The following UPRT variants were observed in gnomAD, a reference collection of about 807,000 sequenced individuals.
UPRT encodes the protein uracil phosphoribosyltransferase homolog.
UPRT carries 5 observed loss-of-function variants against 22.6 expected under a neutral mutation model. That is an observed-to-expected ratio of 0.22 (90% confidence interval 0.12 to 0.47). UPRT has a LOEUF of 0.47. Ranked by LOEUF, UPRT falls within the 20% of genes least tolerant of loss-of-function variation. The pLI, the probability that UPRT is intolerant of heterozygous loss-of-function variation, is 0.99. For missense variants in UPRT, 181 were observed against 239.9 expected, an observed-to-expected ratio of 0.75 and a Z score of 1.62; for synonymous variants, 77 against 87.7, an observed-to-expected ratio of 0.88 and a Z score of 0.68.
chrX:75,214,153 A>G (rs769136563), intron 4 of UPRT, among the ~76,000 whole-genome samples: 2 of 112,495 alleles, frequency 1.8e-5, no homozygotes, highest in Non-Finnish European at 3.8e-5. Context: ...ATGGAATTAA[A>G]TGAGAAGTTA....
intron 4 of UPRT, among the ~76,000 whole-genome samples, chrX:75,232,490 C>A (rs1197061393): frequency 8.9e-6 from 1 of 112,664 alleles, no homozygotes; most frequent in African/African-American, 3.2e-5. Context: ...GGGGGCAGGG[C>A]ACAAACAAAA....
At chrX:75,262,146 A>G (rs1320122479) in intron 4 of UPRT, among the ~76,000 whole-genome samples, 1 of 111,768 alleles carries the variant, frequency 8.9e-6, no homozygotes, top group Non-Finnish European at 1.9e-5. Flanking sequence ...TCTTAAAGAA[A>G]AGAATTTTCA....
chrX:75,172,599 C>T (rs777021466), intron 4 of UPRT, among the ~76,000 whole-genome samples: 13 of 111,772 alleles, frequency 1.2e-4, no homozygotes, highest in African/African-American at 2.9e-4. Context: ...CGGACCCTTG[C>T]GGTGAGTGTT....
intron 4 of UPRT, among the ~76,000 whole-genome samples, chrX:75,185,631 G>A (rs1028583871): frequency 1.4e-4 from 16 of 111,806 alleles, no homozygotes; most frequent in African/African-American, 3.9e-4. Context: ...GTAGAATTCC[G>A]CTGTGAATCC....
At chrX:75,218,230 C>T (rs1414615006) in intron 4 of UPRT, among the ~76,000 whole-genome samples, 1 of 110,915 alleles carries the variant, frequency 9.0e-6, no homozygotes, top group East Asian at 2.8e-4. Context: ...GGGTGAAGGA[C>T]ATGAACAGAC....
chrX:75,242,547 A>G lies in UPRT; in HGVS notation c.-446-48477A>G, dbSNP rs780853975. Among the ~76,000 whole-genome samples the G allele has an allele frequency of 1.8e-4, 20 of 110,580 alleles. No individual in the cohort carries two copies. In the South Asian group the frequency reaches 7.3e-3, roughly 40 times the overall value. ...GAGGACCTGGGTTCTAGAAAGCCAT[A>G]TCGACGTGATCAAACTTAGTTTCCA... On this transcript the variant is annotated intron_variant, in intron 4 of 13. Coordinates refer to the UPRT transcript ENST00000652605.
In UPRT at chrX:75,256,422, C is replaced by T. The variant is rs768338578; in HGVS notation, c.-446-34602C>T. Reference sequence around the variant, plus strand: ...CTACATCAGAAAGACTAAAAGAGCACAAACAGACAATCTAAGATCACACCT... The same window carrying T: ...CTACATCAGAAAGACTAAAAGAGCATAAACAGACAATCTAAGATCACACCT... On this transcript the variant is annotated intron_variant, in intron 4 of 13. Transcript: ENST00000652605. Among the ~76,000 whole-genome samples, 207 of 111,093 alleles carry T rather than the reference C, an allele frequency of 1.9e-3. 2 individuals are homozygous for T. The South Asian group carries it at 0.026, about 14-fold the overall frequency.
At position 75,300,848 on chromosome X, in the gene UPRT, G is replaced by A; in HGVS notation, c.725-19G>A. 1 of 1,144,218 alleles carries A rather than the reference G, an allele frequency of 8.7e-7. No individual in the cohort carries two copies. Among genetic ancestry groups the A allele is most frequent in the Non-Finnish European group, 1.2e-6 (1 of 846,736 alleles). 94.3% of individuals were successfully genotyped at this position (1,144,218 alleles called of 1,213,427 possible). ...GAATGTTAAGGTTGCTAATTCATTT[G>A]GTTATCTTTTGATTTCAGGCACTGG... is the stretch of plus-strand genomic sequence containing the variant. On this transcript the variant is annotated intron_variant, in intron 5 of 6. Transcript: ENST00000373383.
At chrX:75,295,671 T>C (rs2082723328) in intron 2 of UPRT, among the ~76,000 whole-genome samples, 1 of 112,480 alleles carries the variant, frequency 8.9e-6, no homozygotes, top group African/African-American at 3.2e-5. Context: ...TCAGCATTAC[T>C]TTTACTGTAG....
At position 75,297,511 on chromosome X, in the gene UPRT, A is replaced by G. The variant is rs752194693; in HGVS notation, c.520A>G (p.Lys174Glu). 1.2e-5 allele frequency: 15 copies of G among 1,210,078 alleles called. No individual in the cohort carries two copies. Among genetic ancestry groups the G allele is most frequent in the Non-Finnish European group, 1.7e-5 (15 of 895,172 alleles). ...AACAGGGTACAAGTATGAAGGAGTGAAATTTGAGAAGGGAAATTGTGGGGT... is the reference window on the plus strand; with the variant it reads ...AACAGGGTACAAGTATGAAGGAGTGGAATTTGAGAAGGGAAATTGTGGGGT... ...TPTGYKYEGV[K>E]FEKGNCGVSI... Residue 174 changes from lysine to glutamate, a missense_variant, in exon 4 of 7, where the codon AAA (lysine) becomes GAA (glutamate). Lys to Glu is a moderately conservative substitution (Grantham distance 56, BLOSUM62 1). Transcript: ENST00000373383.
chrX:75,239,587 C>T (rs1308894857), intron 4 of UPRT, among the ~76,000 whole-genome samples: 1 of 111,037 alleles, frequency 9.0e-6, no homozygotes, highest in Non-Finnish European at 1.9e-5. Flanking sequence ...GGAATCCTCC[C>T]TAAATCATTT....
intron 4 of UPRT, 145 bp downstream of exon 4, chrX:75,297,698 T>C: frequency 1.5e-6 from 1 of 649,174 alleles, no homozygotes. Flanking sequence ...CTCATGGTGC[T>C]GTGGAGTCAT....
Position 75,247,053 on chromosome X carries a change from T to G in UPRT, c.-446-43971T>G, listed in dbSNP as rs765549408. Among the ~76,000 whole-genome samples the G allele has an allele frequency of 2.7e-5, 3 of 111,938 alleles. No homozygotes were observed. The East Asian group carries it at 8.4e-4, about 31-fold the overall frequency. On this transcript the variant is annotated intron_variant, in intron 4 of 13. Transcript: ENST00000652605. ...TCTAATTTTCAAGTTATCCCTCTTT[T>G]AAAAGGGAGACTGTAAGTCACTCTT...
intron 4 of UPRT, among the ~76,000 whole-genome samples, chrX:75,189,899 T>G (rs1569262588): frequency 8.9e-6 from 1 of 112,156 alleles, no homozygotes; most frequent in Non-Finnish European, 1.9e-5. Flanking sequence ...ATCTCCTGCA[T>G]ATAGCACTCT....
At chrX:75,270,108 A>C (rs1490347660), upstream of UPRT, among the ~76,000 whole-genome samples, 1 of 112,281 alleles carries the variant, frequency 8.9e-6, no homozygotes, top group East Asian at 2.8e-4. Flanking sequence ...ATGAACAGAC[A>C]CTTCTCCAAA....
chrX:75,283,921 G>A (rs778195023), intron 1 of UPRT, among the ~76,000 whole-genome samples: 1 of 111,584 alleles, frequency 9.0e-6, no homozygotes, highest in Non-Finnish European at 1.9e-5. Flanking sequence ...TCTTCCTCAG[G>A]AACACGGATT....
At chrX:75,188,602 G>T (rs1294078943) in intron 4 of UPRT, among the ~76,000 whole-genome samples, 1 of 112,703 alleles carries the variant, frequency 8.9e-6, no homozygotes, top group Non-Finnish European at 1.9e-5. Flanking sequence ...CTGGGCAATG[G>T]CGGGCGCCCC....
At chrX:75,253,545 A>G (rs1386852370) in intron 4 of UPRT, among the ~76,000 whole-genome samples, 1 of 112,110 alleles carries the variant, frequency 8.9e-6, no homozygotes, top group Non-Finnish European at 1.9e-5. Context: ...AAGTCTCTTT[A>G]GAGGATCATG....
chrX:75,222,470 G>A (rs186669333), intron 4 of UPRT, among the ~76,000 whole-genome samples: 235 of 112,012 alleles, frequency 2.1e-3, no homozygotes, highest in African/African-American at 7.3e-3. Context: ...TGCCATCCAG[G>A]AGCTAGGACC....
Sources: allele counts gnomAD v4.1 joint callset (sites outside exome capture counted in the v4.1 genomes callset), GRCh38; gene constraint gnomAD v4.1.1; transcripts MANE v1.5; gene names NCBI Gene and HGNC (gene_info 2026-07-23, HGNC 2026-07-21).